The following LRRC4B variants were observed in gnomAD, a reference collection of about 807,000 sequenced individuals.
LRRC4B encodes leucine-rich repeat-containing protein 4B.
A neutral mutation model predicts 7.3 loss-of-function variants in LRRC4B; 1 was observed. The ratio of observed to expected loss-of-function variants is 0.14; its 90% confidence interval spans 0.05 to 0.65. The LOEUF is 0.65. Ranked by LOEUF, LRRC4B falls within the 30% of genes least tolerant of loss-of-function variation. The probability of loss-of-function intolerance (pLI) is 0.84; values close to 1 mark genes in which losing one functional copy is unlikely to be tolerated. For missense variants in LRRC4B, 730 were observed against 1,041.6 expected (o/e 0.70, Z 4.12); for synonymous variants, 500 against 499.2 (o/e 1.00, Z -0.02).
intron 2 of LRRC4B, among the ~76,000 whole-genome samples, chr19:50,525,890 G>A (rs184462066): frequency 5.3e-5 from 8 of 152,240 alleles, no homozygotes; most frequent in South Asian, 2.1e-4. Context: ...TAGGCAGGGC[G>A]CATGCCTGTA....
intron 2 of LRRC4B, among the ~76,000 whole-genome samples, chr19:50,538,358 C>T (rs540791428): frequency 1.3e-5 from 2 of 152,080 alleles, no homozygotes; most frequent in African/African-American, 4.8e-5. Flanking sequence ...CCACCGCGCC[C>T]GGCCCTCCCA....
At chr19:50,543,733 G>A (rs1250582137) in intron 2 of LRRC4B, among the ~76,000 whole-genome samples, 2 of 150,620 alleles carry the variant, frequency 1.3e-5, no homozygotes, top group South Asian at 4.2e-4. Context: ...GGCACCTGTA[G>A]TCTCAGCTAC....
intron 1 of LRRC4B, among the ~76,000 whole-genome samples, chr19:50,559,805 T>C (rs1279798059): frequency 1.3e-5 from 2 of 152,208 alleles, no homozygotes; most frequent in African/African-American, 2.4e-5. Flanking sequence ...TTCTCAGACA[T>C]GAATGTGTGT....
intron 1 of LRRC4B, among the ~76,000 whole-genome samples, chr19:50,561,370 G>A (rs1982456320): frequency 6.6e-6 from 1 of 152,080 alleles, no homozygotes; most frequent in Non-Finnish European, 1.5e-5. Flanking sequence ...TTTCCCTTCT[G>A]GTGCTTGAGA....
At chr19:50,539,028 C>T (rs986256305) in intron 2 of LRRC4B, among the ~76,000 whole-genome samples, 6 of 150,650 alleles carry the variant, frequency 4.0e-5, no homozygotes, top group South Asian at 2.1e-4. Context: ...GCCAGGTGCC[C>T]GCCACCACAC....
At chr19:50,549,167 G>T (rs1015443641) in intron 1 of LRRC4B, among the ~76,000 whole-genome samples, 1 of 152,210 alleles carries the variant, frequency 6.6e-6, no homozygotes, top group Non-Finnish European at 1.5e-5. Flanking sequence ...CCTGCCCAAG[G>T]TCACTCATCC....
rs367950087 is a variant in LRRC4B, at chr19:50,543,850, C to G, written c.297+4692G>C. On this transcript the variant is annotated intron_variant, in intron 2 of 2. Transcript: ENST00000652263. ...CCTGGGTGACAGAGTGAGCCTCCATCTCAAAAAAAAAAAAAAAAAAAAAGA... is the reference window on the plus strand; with the variant it reads ...CCTGGGTGACAGAGTGAGCCTCCATGTCAAAAAAAAAAAAAAAAAAAAAGA... Among the ~76,000 whole-genome samples the G allele has an allele frequency of 5.9e-3, 533 of 90,784 alleles. 5 individuals are homozygous for G. Among genetic ancestry groups the G allele is most frequent in the African/African-American group, 0.027 (508 of 18,516 alleles). 59.6% of individuals were successfully genotyped at this position (90,784 alleles called of 152,430 possible).
chr19:50,518,252 G>A lies in LRRC4B; in HGVS notation c.1461C>T (p.Phe487=), dbSNP rs1370817539. 3 of 1,605,314 alleles carry A rather than the reference G, an allele frequency of 1.9e-6. No individual in the cohort carries two copies. The highest frequency in any genetic ancestry group is 1.3e-5 in the African/African-American group (1 of 74,790). ...VGGGSGGYTY[F]TTVTVETLET... ...CCAGGGTCTCCACGGTCACCGTGGT[G>A]AAGTAGGTGTAGCCGCCACTGCCCC... Residue 487 remains phenylalanine (F), a synonymous_variant, in exon 3 of 3, where the codon TTC becomes TTT. Coordinates refer to ENST00000652263, the MANE Select transcript of LRRC4B (RefSeq NM_001080457.2).
rs536606570 is a variant in LRRC4B at position 50,526,414 on chromosome 19, C to T, written c.298-6999G>A. On this transcript the variant is annotated intron_variant, in intron 2 of 2. Coordinates refer to ENST00000652263, the MANE Select transcript of LRRC4B (RefSeq NM_001080457.2). ...AGGATGTCCTGGTCCCGTCTCCCCA[C>T]CCCAGTCTGGTCAGGGATCCCCGGG... 3.9e-5 allele frequency among the ~76,000 whole-genome samples: 6 copies of T among 152,304 alleles called. 1 individual carries two copies. The South Asian group carries it at 1.2e-3, about 32-fold the overall frequency.
intron 2 of LRRC4B, among the ~76,000 whole-genome samples, chr19:50,531,579 T>C (rs1376264603): frequency 6.6e-6 from 1 of 152,218 alleles, no homozygotes; most frequent in Admixed American, 6.5e-5. Flanking sequence ...CTGGTTTTGT[T>C]GAAACATGTG....
chr19:50,538,729 T>G lies in LRRC4B; in HGVS notation c.297+9813A>C, dbSNP rs569235732. 1.9e-4 allele frequency among the ~76,000 whole-genome samples: 28 copies of G among 150,410 alleles called. No individual in the cohort carries two copies. In the East Asian group the frequency reaches 5.3e-3, roughly 29 times the overall value. On this transcript the variant is annotated intron_variant, in intron 2 of 2. Transcript: ENST00000652263. Reference sequence around the variant, plus strand: ...GACTACAGGTGCGTGCCACCACACCTGGCTAATTTTTGTATTTTTAGTAGA... The same window carrying G: ...GACTACAGGTGCGTGCCACCACACCGGGCTAATTTTTGTATTTTTAGTAGA...
rs370806947 is a variant in LRRC4B, at chr19:50,517,709, G to A, written c.2004C>T (p.Ala668=). ...TGCTGCTGTAGTGCGCCTTGAAGGC[G>A]GCAGCCACGTAGTGGTGGTGGTTGA... ...DHLNHHHYVA[A]AFKAHYSSNP... The change falls in exon 3 of 3, where the codon GCC becomes GCT. Residue 668 remains alanine, a synonymous_variant. Coordinates refer to ENST00000652263, the MANE Select transcript of LRRC4B (RefSeq NM_001080457.2). The surrounding 1 kb of genome is among the most constrained non-coding windows in gnomAD (Gnocchi z 6.6). 65 of 1,553,476 alleles carry A rather than the reference G, an allele frequency of 4.2e-5. No individual in the cohort carries two copies. The highest frequency in any genetic ancestry group is 5.6e-5 in the Non-Finnish European group (64 of 1,151,710).
At chr19:50,522,543 C>T in intron 2 of LRRC4B, among the ~76,000 whole-genome samples, 1 of 152,080 alleles carries the variant, frequency 6.6e-6, no homozygotes. Flanking sequence ...GAGGCGTGAT[C>T]TCGGCTCACT....
intron 2 of LRRC4B, among the ~76,000 whole-genome samples, chr19:50,547,233 C>T (rs564130008): frequency 1.2e-4 from 18 of 152,026 alleles, no homozygotes; most frequent in African/African-American, 3.6e-4. Context: ...CAAGGCCCTG[C>T]GGGAGCGGGG....
At position 50,558,200 on chromosome 19, in the gene LRRC4B, T is replaced by TACACACACAC. The variant is rs71182737; in HGVS notation, c.-35-9337_-35-9328dup. ...GTTGGTCAGGGGTCAACTGTATACA[T>TACACACACAC]ACACACACACACACACACACACACA... is the stretch of plus-strand genomic sequence containing the variant. On this transcript the variant is annotated intron_variant, in intron 1 of 2. Coordinates refer to ENST00000652263, the MANE Select transcript of LRRC4B (RefSeq NM_001080457.2). Among the ~76,000 whole-genome samples, 810 of 147,682 alleles carry TACACACACAC rather than the reference T, an allele frequency of 5.5e-3. 2 individuals carry two copies. The highest frequency in any genetic ancestry group is 8.4e-3 in the African/African-American group (336 of 40,236).
At chr19:50,560,909 T>C (rs1982439886) in intron 1 of LRRC4B, among the ~76,000 whole-genome samples, 1 of 151,994 alleles carries the variant, frequency 6.6e-6, no homozygotes, top group Non-Finnish European at 1.5e-5. Context: ...GCCAACACAG[T>C]GAAACCCCCG....
intron 2 of LRRC4B, among the ~76,000 whole-genome samples, chr19:50,531,016 G>A (rs1300430911): frequency 6.6e-6 from 1 of 152,010 alleles, no homozygotes; most frequent in Non-Finnish European, 1.5e-5. Flanking sequence ...TCAAAGTGCT[G>A]GGATTACAGG....
intron 2 of LRRC4B, among the ~76,000 whole-genome samples, chr19:50,522,452 T>TTTA (rs1313255563): frequency 7.3e-5 from 10 of 137,828 alleles, no homozygotes; most frequent in Non-Finnish European, 1.2e-4. Context: ...GTGAAGCTAT[T>TTTA]TTATTTATTA....
chr19:50,551,485 C>T (rs1208688847), intron 1 of LRRC4B, among the ~76,000 whole-genome samples: 3 of 146,974 alleles, frequency 2.0e-5, no homozygotes, highest in African/African-American at 5.0e-5. Flanking sequence ...GACTCTCCCC[C>T]GACCGCAGCC....
Sources: allele counts gnomAD v4.1 joint callset (sites outside exome capture counted in the v4.1 genomes callset), GRCh38; gene constraint gnomAD v4.1.1; non-coding constraint Gnocchi (gnomAD v3.1); transcripts MANE v1.5; gene names NCBI Gene and HGNC (gene_info 2026-07-23, HGNC 2026-07-21).